Variants in CLSTN2 observed in about 807,000 individuals in gnomAD.
CLSTN2 encodes calsyntenin-2.
CLSTN2 carries 48 observed loss-of-function variants against 101.2 expected under a neutral mutation model. The ratio of observed to expected loss-of-function variants is 0.47; its 90% CI spans 0.38 to 0.60. CLSTN2 has a LOEUF of 0.60. Among genes scored for constraint, CLSTN2 ranks in the 20% least tolerant of loss-of-function variants. The pLI is 0.00. For missense variants in CLSTN2, 1,160 were observed against 1,238.2 expected (o/e 0.94, Z 0.95); for synonymous variants, 481 against 463.6 (o/e 1.04, Z -0.48).
At chr3:140,502,874 A>G (rs1471596514) in intron 8 of CLSTN2, among the ~76,000 whole-genome samples, 1 of 152,220 alleles carries the variant, frequency 6.6e-6, no homozygotes, top group East Asian at 1.9e-4. Context: ...CCACATATGT[A>G]GTGACTTCAA....
chr3:140,192,458 T>C (rs1426728481), intron 2 of CLSTN2, among the ~76,000 whole-genome samples: 1 of 151,918 alleles, frequency 6.6e-6, no homozygotes, highest in East Asian at 1.9e-4. Flanking sequence ...CAGTTTTTCT[T>C]CCCATATTTT....
At chr3:140,545,854 G>A (rs1231111010) in intron 9 of CLSTN2, among the ~76,000 whole-genome samples, 1 of 152,176 alleles carries the variant, frequency 6.6e-6, no homozygotes, top group African/African-American at 2.4e-5. Context: ...GAGAACCACA[G>A]GAATCAGGGA....
intron 1 of CLSTN2, among the ~76,000 whole-genome samples, chr3:140,048,916 G>A (rs1436200898): frequency 4.6e-5 from 7 of 152,126 alleles, no homozygotes; most frequent in African/African-American, 1.7e-4. Context: ...TCCAGTCCCT[G>A]CTGCTTCACT....
At position 140,404,562 on chromosome 3, in the gene CLSTN2, G is replaced by A. The variant is rs769862663; in HGVS notation, c.433G>A (p.Val145Met). The change falls in exon 4 of 17, where the codon GTG becomes ATG. Residue 145 changes from valine (V) to methionine (M), a missense_variant. Val to Met is a conservative substitution (Grantham distance 21, BLOSUM62 1). Transcript: ENST00000458420. ...CCTTTCTGTGTGTGGTCCCAGGGCC[G>A]TGGTCCATATACAGGTGAAGGATGT... is the stretch of plus-strand genomic sequence containing the variant. ...ETAWKKSHKAVVHIQVKDVNE... is the reference protein window; with the variant it reads ...ETAWKKSHKAMVHIQVKDVNE... 20 of 1,614,012 alleles carry A rather than the reference G, an allele frequency of 1.2e-5. No homozygotes were observed. The highest frequency in any genetic ancestry group is 1.7e-4 in the Middle Eastern group (1 of 6,052).
intron 2 of CLSTN2, among the ~76,000 whole-genome samples, chr3:140,335,935 C>T (rs1175158709): frequency 1.3e-5 from 2 of 152,288 alleles, no homozygotes; most frequent in Non-Finnish European, 2.9e-5. Context: ...GTTAGGATCC[C>T]TCCCGTCCCA....
At chr3:140,144,285 A>T (rs1303731656) in intron 1 of CLSTN2, among the ~76,000 whole-genome samples, 1 of 152,204 alleles carries the variant, frequency 6.6e-6, no homozygotes, top group Non-Finnish European at 1.5e-5. Flanking sequence ...CCCCTAGAAG[A>T]TTGCAGACTT....
chr3:140,393,975 G>A (rs760351679), intron 2 of CLSTN2, among the ~76,000 whole-genome samples: 1 of 152,072 alleles, frequency 6.6e-6, no homozygotes, highest in Non-Finnish European at 1.5e-5. Flanking sequence ...AGAATGGTGG[G>A]CACCTCAGAA....
At chr3:140,119,273 C>T (rs1576433650) in intron 1 of CLSTN2, among the ~76,000 whole-genome samples, 1 of 152,182 alleles carries the variant, frequency 6.6e-6, no homozygotes, top group South Asian at 2.1e-4. Flanking sequence ...CAACAGTCAA[C>T]CAGTAATTGG....
At chr3:140,553,748 A>T (rs937365368) in intron 10 of CLSTN2, among the ~76,000 whole-genome samples, 1 of 151,852 alleles carries the variant, frequency 6.6e-6, no homozygotes, top group Admixed American at 6.6e-5. Context: ...GAATTGCCAC[A>T]CCTCCCTTCC....
intron 1 of CLSTN2, among the ~76,000 whole-genome samples, chr3:140,015,943 GC>G (rs967124646): frequency 5.9e-5 from 9 of 152,222 alleles, no homozygotes; most frequent in African/African-American, 2.2e-4. Context: ...GCCAGTATCT[GC>G]CCTAGGCTAG....
At chr3:140,349,514 C>T (rs1273744403) in intron 2 of CLSTN2, among the ~76,000 whole-genome samples, 2 of 152,070 alleles carry the variant, frequency 1.3e-5, no homozygotes, top group African/African-American at 4.8e-5. Flanking sequence ...TGTTTGTTCC[C>T]TTAATACAAT....
chr3:140,532,029 C>G (rs1433483125), intron 8 of CLSTN2, among the ~76,000 whole-genome samples: 1 of 152,166 alleles, frequency 6.6e-6, no homozygotes, highest in Non-Finnish European at 1.5e-5. Flanking sequence ...GTAGGACCCA[C>G]TTGTGGTTCT....
chr3:139,988,722 T>C (rs572797900), intron 1 of CLSTN2, among the ~76,000 whole-genome samples: 64 of 152,192 alleles, frequency 4.2e-4, no homozygotes, highest in African/African-American at 1.5e-3. Flanking sequence ...CAGAGAAAGT[T>C]GCAAGGATGC....
intron 1 of CLSTN2, among the ~76,000 whole-genome samples, chr3:139,942,430 C>T (rs114038327): frequency 0.026 from 3,991 of 152,218 alleles, 94 homozygotes; most frequent in South Asian, 0.071. Flanking sequence ...CGACAGTTCT[C>T]CTGATTCGGT....
chr3:140,488,248 G>A (rs1934277015), intron 8 of CLSTN2, among the ~76,000 whole-genome samples: 1 of 152,120 alleles, frequency 6.6e-6, no homozygotes, highest in South Asian at 2.1e-4. Flanking sequence ...ATTTAAAAAT[G>A]AACAAACATA....
intron 1 of CLSTN2, among the ~76,000 whole-genome samples, chr3:139,949,534 G>T (rs768368521): frequency 3.9e-5 from 6 of 152,184 alleles, no homozygotes; most frequent in Non-Finnish European, 7.3e-5. Flanking sequence ...CCCAGCTGGG[G>T]TTAGGGACCT....
intron 1 of CLSTN2, among the ~76,000 whole-genome samples, chr3:140,170,306 T>C (rs9283594): frequency 0.68 from 103,888 of 152,108 alleles, 39,777 homozygotes; most frequent in East Asian, 0.91. Flanking sequence ...AAGTTATTGG[T>C]TTGCAACCCT....
chr3:140,253,560 A>T (rs1479229388), intron 2 of CLSTN2, among the ~76,000 whole-genome samples: 4 of 152,202 alleles, frequency 2.6e-5, no homozygotes, highest in African/African-American at 9.6e-5. Flanking sequence ...GGCCCCTGAC[A>T]TGTCAGCATT....
At chr3:140,206,099 G>A (rs1362167141) in intron 2 of CLSTN2, among the ~76,000 whole-genome samples, 2 of 152,208 alleles carry the variant, frequency 1.3e-5, no homozygotes, top group Non-Finnish European at 1.5e-5. Context: ...GCTTTAATAA[G>A]TAACAAATTG....
Sources: allele counts gnomAD v4.1 joint callset (sites outside exome capture counted in the v4.1 genomes callset), GRCh38; gene constraint gnomAD v4.1.1; transcripts MANE v1.5; gene names NCBI Gene and HGNC (gene_info 2026-07-23, HGNC 2026-07-21).